Variants in APAF1 observed in about 807,000 individuals in gnomAD.
The protein encoded by APAF1 is apoptotic protease-activating factor 1.
A neutral mutation model predicts 152.4 loss-of-function variants in APAF1; 91 were observed. That is an observed-to-expected ratio of 0.60 (90% CI 0.50 to 0.71). The LOEUF (loss-of-function observed/expected upper bound fraction) is 0.71, where lower values mean the gene tolerates loss of function less well. Ranked by LOEUF, APAF1 falls within the 30% of genes least tolerant of loss-of-function variation. The probability of loss-of-function intolerance (pLI) is 0.00; values close to 1 mark genes in which losing one functional copy is unlikely to be tolerated. For missense variants in APAF1, 1,283 were observed against 1,472.0 expected (o/e 0.87, Z 2.10); for synonymous variants, 484 against 494.1 (o/e 0.98, Z 0.27).
chr12:98,701,905 G>T (rs1056317188), intron 17 of APAF1, among the ~76,000 whole-genome samples: 4 of 152,042 alleles, frequency 2.6e-5, no homozygotes, highest in Non-Finnish European at 5.9e-5. Context: ...TGTGGAATAG[G>T]CAAGTTTGCC....
At chr12:98,723,109 A>G (rs2097745339) in intron 22 of APAF1, 84 bp from the exon 23 acceptor site, 5 of 1,419,826 alleles carry the variant, frequency 3.5e-6, no homozygotes, top group Non-Finnish European at 5.0e-6. Context: ...AAGACTTTAG[A>G]CAAGAGAATG....
At chr12:98,678,301 G>A (rs1247520074) in intron 13 of APAF1, among the ~76,000 whole-genome samples, 1 of 152,260 alleles carries the variant, frequency 6.6e-6, no homozygotes, top group Non-Finnish European at 1.5e-5. Context: ...GATGGCAGCG[G>A]CGGGCTGCCT....
At chr12:98,653,045 A>C (rs996226258) in intron 4 of APAF1, among the ~76,000 whole-genome samples, 1 of 150,564 alleles carries the variant, frequency 6.6e-6, no homozygotes, top group African/African-American at 2.4e-5. Flanking sequence ...TTTGTCTTCT[A>C]ACTTGTGTTT....
At chr12:98,654,037 A>G (rs1395149122) in intron 4 of APAF1, among the ~76,000 whole-genome samples, 3 of 151,896 alleles carry the variant, frequency 2.0e-5, no homozygotes, top group Non-Finnish European at 4.4e-5. Context: ...CTTTTCTCTG[A>G]ATTAGTTTCT....
At chr12:98,684,184 A>T (rs1193192270) in intron 15 of APAF1, among the ~76,000 whole-genome samples, 1 of 152,216 alleles carries the variant, frequency 6.6e-6, no homozygotes, top group Non-Finnish European at 1.5e-5. Context: ...TAGAAAAATT[A>T]TCTTTAGAAA....
chr12:98,645,929 T>G (rs1215594053), intron 1 of APAF1, 94 bp downstream of exon 1: 1 of 152,228 alleles, frequency 6.6e-6, no homozygotes, highest in Non-Finnish European at 1.5e-5. Context: ...CATGGAATAT[T>G]TGATAACCAT....
In APAF1 at chr12:98,712,373, T is replaced by C. The variant is rs750688002; in HGVS notation, c.2896T>C (p.Cys966Arg). 3.1e-6 allele frequency: 5 copies of C among 1,613,732 alleles called. No individual in the cohort carries two copies. The highest frequency in any genetic ancestry group is 4.5e-5 in the East Asian group (2 of 44,884). ...TTATCTGACTGAAGCTCAAGTTAGC[T>C]GCTGTTGCTTAAGTCCACATCTTCA... Reference protein sequence around the residue: ...IDYLTEAQVSCCCLSPHLQYI... With the variant: ...IDYLTEAQVSRCCLSPHLQYI... The change falls in exon 21 of 27, where the codon TGC becomes CGC. Residue 966 changes from cysteine to arginine, a missense_variant. Coordinates refer to ENST00000551964, the MANE Select transcript of APAF1 (RefSeq NM_181861.2).
chr12:98,672,525 A>G (rs2097681538), intron 12 of APAF1, among the ~76,000 whole-genome samples: 1 of 151,916 alleles, frequency 6.6e-6, no homozygotes, highest in Admixed American at 6.6e-5. Flanking sequence ...CTTTGCACAT[A>G]TAGTCCTTAT....
chr12:98,703,417 G>T lies in APAF1; in HGVS notation c.2513G>T (p.Gly838Val). Residue 838 changes from glycine (G) to valine (V), a missense_variant, in exon 18 of 27, where the codon GGC becomes GTC. Physicochemically the swap from Gly to Val is moderately radical, Grantham distance 109. Transcript: ENST00000551964. ...GGCCTATTGGGAGAAATCCACACGG[G>T]CCATCACAGCACCATCCAGTACTGT... ...TSGLLGEIHT[G>V]HHSTIQYCDF... 6.2e-7 allele frequency: 1 copy of T among 1,614,062 alleles called. No individual in the cohort carries two copies. Among genetic ancestry groups the T allele is most frequent in the Non-Finnish European group, 8.5e-7 (1 of 1,180,000 alleles).
rs777293241 is a variant in APAF1, at chr12:98,671,538, T to C, written c.1612T>C (p.Cys538Arg). Residue 538 changes from cysteine to arginine, a missense_variant, in exon 12 of 27, where the codon TGT becomes CGT. Transcript: ENST00000551964. Reference sequence around the variant, plus strand: ...AGAGATTTCAGTTTATTTGTAGGATTGTGCAGTCAGTGAGAATTTTCAGGA... The same window carrying C: ...AGAGATTTCAGTTTATTTGTAGGATCGTGCAGTCAGTGAGAATTTTCAGGA... ...EYRHILDEKD[C>R]AVSENFQEFL... 2.5e-6 allele frequency: 4 copies of C among 1,613,720 alleles called. No homozygotes were observed. Among genetic ancestry groups the C allele is most frequent in the Non-Finnish European group, 3.4e-6 (4 of 1,179,748 alleles).
intron 16 of APAF1, among the ~76,000 whole-genome samples, chr12:98,695,287 G>A (rs2097708560): frequency 6.6e-6 from 1 of 151,708 alleles, no homozygotes; most frequent in Admixed American, 6.6e-5. Flanking sequence ...TTCTGACCTT[G>A]TGATCCACCC....
At chr12:98,682,058 T>G (rs1018313374) in intron 14 of APAF1, among the ~76,000 whole-genome samples, 16 of 149,332 alleles carry the variant, frequency 1.1e-4, no homozygotes, top group East Asian at 5.8e-4. Context: ...TTTTGTTTTT[T>G]TTTTTTTTTT....
At position 98,689,435 on chromosome 12, in the gene APAF1, T is replaced by TGA. The variant is rs10562439; in HGVS notation, c.2304+2590_2304+2591dup. Among the ~76,000 whole-genome samples, 229 of 147,428 alleles carry TGA rather than the reference T, an allele frequency of 1.6e-3. 1 individual carries two copies. Among genetic ancestry groups the TGA allele is most frequent in the Non-Finnish European group, 2.3e-3 (151 of 67,042 alleles). Reference sequence around the variant, plus strand: ...TTAGGCAAAGCCTTTTGTGTGAGGGTGAGAGAGAGAGAGAGAGAGAGAGAG... The same window carrying TGA: ...TTAGGCAAAGCCTTTTGTGTGAGGGTGAGAGAGAGAGAGAGAGAGAGAGAGAG... On this transcript the variant is annotated intron_variant, in intron 16 of 26. Transcript: ENST00000551964.
chr12:98,696,219 G>T (rs1177454482), intron 16 of APAF1, among the ~76,000 whole-genome samples: 1 of 152,174 alleles, frequency 6.6e-6, no homozygotes, highest in Non-Finnish European at 1.5e-5. Flanking sequence ...GGATTGGGAA[G>T]CTACACCTGA....
intron 17 of APAF1, among the ~76,000 whole-genome samples, chr12:98,701,051 T>A (rs1316310632): frequency 6.6e-6 from 1 of 152,148 alleles, no homozygotes; most frequent in Non-Finnish European, 1.5e-5. Flanking sequence ...TTGTAACCAA[T>A]GTACAGATCA....
intron 16 of APAF1, among the ~76,000 whole-genome samples, chr12:98,696,390 C>G (rs996858683): frequency 9.9e-5 from 15 of 152,206 alleles, no homozygotes; most frequent in Admixed American, 2.6e-4. Flanking sequence ...TCCCAGGGAA[C>G]TCACCCCAGT....
At chr12:98,658,114 T>C (rs1231279929) in intron 4 of APAF1, among the ~76,000 whole-genome samples, 1 of 152,200 alleles carries the variant, frequency 6.6e-6, no homozygotes, top group Non-Finnish European at 1.5e-5. Context: ...TAAATCTTTA[T>C]GATTGATGCT....
Position 98,671,732 on chromosome 12 carries a change from G to C in APAF1, c.1793+13G>C, listed in dbSNP as rs1229736919. On this transcript the variant is annotated intron_variant, in intron 12 of 26. Coordinates refer to ENST00000551964, the MANE Select transcript of APAF1 (RefSeq NM_181861.2). ...ACCTGGAATGGATGTAAGTAGGTTA[G>C]GAGAGAAACCAAAGGGAGTGGTGCG... 1 of 1,613,310 alleles carries C rather than the reference G, an allele frequency of 6.2e-7. No individual in the cohort carries two copies. Among genetic ancestry groups the C allele is most frequent in the Non-Finnish European group, 8.5e-7 (1 of 1,179,450 alleles).
chr12:98,722,502 G>A (rs921223357), intron 22 of APAF1, among the ~76,000 whole-genome samples: 4 of 152,134 alleles, frequency 2.6e-5, no homozygotes, highest in African/African-American at 9.7e-5. Flanking sequence ...ATTAAGAAAT[G>A]TCCTTTACAT....
Sources: allele counts gnomAD v4.1 joint callset (sites outside exome capture counted in the v4.1 genomes callset), GRCh38; gene constraint gnomAD v4.1.1; transcripts MANE v1.5; gene names NCBI Gene and HGNC (gene_info 2026-07-23, HGNC 2026-07-21).